PIP4K2B: variants seen among roughly 807,000 people sequenced by gnomAD.
PIP4K2B encodes the protein phosphatidylinositol 5-phosphate 4-kinase type-2 beta.
Under a neutral mutation model 42.0 loss-of-function variants are expected in PIP4K2B, and 3 were observed. That is an observed-to-expected ratio of 0.07 (90% CI 0.03 to 0.18). The LOEUF is 0.18. PIP4K2B is among the 10% of genes least tolerant of loss of function. The probability of loss-of-function intolerance (pLI) is 1.00; values close to 1 mark genes in which losing one functional copy is unlikely to be tolerated. For synonymous variants in PIP4K2B, 204 were observed against 210.1 expected (o/e 0.97, Z 0.25); for missense variants, 332 against 562.3 (o/e 0.59, Z 4.14).
At chr17:38,773,208 C>A (rs1909143252) in intron 7 of PIP4K2B, among the ~76,000 whole-genome samples, 1 of 152,246 alleles carries the variant, frequency 6.6e-6, no homozygotes, top group Middle Eastern at 3.4e-3. Context: ...ATACTTCTAA[C>A]TGGCCTCAGA....
rs374162231 is a variant in PIP4K2B at position 38,786,959 on chromosome 17, G to T, written c.160-39C>A. 5.2e-5 allele frequency: 68 copies of T among 1,304,328 alleles called. No homozygotes were observed. In the African/African-American group the frequency reaches 9.7e-4, roughly 19 times the overall value. 80.8% of individuals were successfully genotyped at this position (1,304,328 alleles called of 1,614,324 possible). On this transcript the variant is annotated intron_variant, in intron 1 of 9. Coordinates refer to ENST00000619039, the MANE Select transcript of PIP4K2B (RefSeq NM_003559.5). ...AGAACGTAAGGCTCTCAGCCAGGAG[G>T]CCACCTGCCTCAGAGACACTAAGCT... is the stretch of plus-strand genomic sequence containing the variant.
intron 3 of PIP4K2B, among the ~76,000 whole-genome samples, chr17:38,781,192 T>C (rs978022849): frequency 6.6e-6 from 1 of 152,142 alleles, no homozygotes; most frequent in Non-Finnish European, 1.5e-5. Flanking sequence ...TCTCTGAGCC[T>C]GACACCTTTC....
Position 38,771,089 on chromosome 17 carries a change from G to C in PIP4K2B, c.991C>G (p.Leu331Val), listed in dbSNP as rs747807599. 3 of 1,614,040 alleles carry C rather than the reference G, an allele frequency of 1.9e-6. No homozygotes were observed. The highest frequency in any genetic ancestry group is 2.5e-6 in the Non-Finnish European group (3 of 1,180,044). ...GTPPDSPGNLLSFPRFFGPGE... is the reference protein window; with the variant it reads ...GTPPDSPGNLVSFPRFFGPGE... ...GGACCAAAGAACCGAGGAAAGCTGAGGAGGTTGCCAGGGCTGTCCGGAGGT... is the reference window on the plus strand; with the variant it reads ...GGACCAAAGAACCGAGGAAAGCTGACGAGGTTGCCAGGGCTGTCCGGAGGT... The change falls in exon 8 of 10, where the codon CTC (leucine) becomes GTC (valine). Residue 331 changes from leucine to valine, a missense_variant. Physicochemically the swap from Leu to Val is conservative, Grantham distance 32 (BLOSUM62 1). Around this residue, in one of 6 missense-constraint regions of PIP4K2B, gnomAD observed 63 missense variants for 71.6 expected, o/e 0.88. Coordinates refer to ENST00000619039, the MANE Select transcript of PIP4K2B (RefSeq NM_003559.5).
Position 38,780,573 on chromosome 17 carries a change from C to A in PIP4K2B, c.386G>T (p.Ser129Ile), listed in dbSNP as rs746208971. 1 of 1,613,388 alleles carries A rather than the reference C, an allele frequency of 6.2e-7. No homozygotes were observed. Among genetic ancestry groups the A allele is most frequent in the East Asian group, 2.2e-5 (1 of 44,840 alleles). Reference sequence around the variant, plus strand: ...CGTGCCACACCGACCCTGGCTGTCACTGTTGATGGGGGCGCTGCGCGTCAC... The same window carrying A: ...CGTGCCACACCGACCCTGGCTGTCAATGTTGATGGGGGCGCTGCGCGTCAC... ...NSVTRSAPIN[S>I]DSQGRCGTRF... The change falls in exon 4 of 10, where the codon AGT becomes ATT. Residue 129 changes from serine (S) to isoleucine (I), a missense_variant. By Grantham distance (142) the Ser-to-Ile change is moderately radical (BLOSUM62 -2). This residue lies in a region of PIP4K2B where 186 missense variants were observed against 288.4 expected (regional missense o/e 0.64). Transcript: ENST00000619039.
intron 1 of PIP4K2B, among the ~76,000 whole-genome samples, chr17:38,794,650 CT>C (rs1303638109): frequency 9.5e-6 from 1 of 105,528 alleles, no homozygotes; most frequent in Admixed American, 9.7e-5. Context: ...AACTATAAAA[CT>C]TTTAGAAGAA....
At chr17:38,773,775 TC>T (rs2143334354) in intron 7 of PIP4K2B, among the ~76,000 whole-genome samples, 1 of 152,146 alleles carries the variant, frequency 6.6e-6, no homozygotes, top group Admixed American at 6.5e-5. Context: ...TCTGAGCACT[TC>T]CAGACAAAGC....
At chr17:38,788,886 T>TC (rs754143266) in intron 1 of PIP4K2B, among the ~76,000 whole-genome samples, 33 of 53,092 alleles carry the variant, frequency 6.2e-4, no homozygotes, top group South Asian at 3.6e-3. Context: ...CCAGGAGGCA[T>TC]AAGGTATAGT....
chr17:38,795,774 A>G (rs1910627026), intron 1 of PIP4K2B, among the ~76,000 whole-genome samples: 1 of 151,818 alleles, frequency 6.6e-6, no homozygotes, highest in East Asian at 1.9e-4. Flanking sequence ...AAAGAAAAGA[A>G]TATGTACAAA....
chr17:38,783,521 A>T (rs1307522256), intron 3 of PIP4K2B, among the ~76,000 whole-genome samples: 2 of 152,154 alleles, frequency 1.3e-5, no homozygotes, highest in Non-Finnish European at 2.9e-5. Context: ...GCAAGAGGTT[A>T]CACTACCCTT....
Position 38,783,479 on chromosome 17 carries a change from G to A in PIP4K2B, c.354+764C>T, listed in dbSNP as rs142647922. Among the ~76,000 whole-genome samples the A allele has an allele frequency of 5.3e-4, 80 of 152,290 alleles. 1 individual carries two copies. In the East Asian group the frequency reaches 0.014, roughly 28 times the overall value. ...CTCCCCACTCCCACCACCAGGATAG[G>A]GCACAAGTTTAGGAGGTGACACTCA... is the stretch of plus-strand genomic sequence containing the variant. On this transcript the variant is annotated intron_variant, in intron 3 of 9. Transcript: ENST00000619039.
chr17:38,788,172 G>A (rs1353634600), intron 1 of PIP4K2B, among the ~76,000 whole-genome samples: 1 of 141,070 alleles, frequency 7.1e-6, no homozygotes. Flanking sequence ...CAAGGTAATA[G>A]ATTAAATTTA....
intron 3 of PIP4K2B, among the ~76,000 whole-genome samples, chr17:38,783,661 C>T (rs570165268): frequency 7.2e-4 from 109 of 151,926 alleles, no homozygotes; most frequent in Non-Finnish European, 1.3e-3. Flanking sequence ...AGTGCAATGG[C>T]GTGATCTCAG....
intron 3 of PIP4K2B, 102 bp from the exon 4 acceptor site, chr17:38,780,706 A>G: frequency 8.6e-7 from 1 of 1,156,986 alleles, no homozygotes; most frequent in South Asian, 1.4e-5. Flanking sequence ...AGCCAACAAC[A>G]CTGAGATAGA....
intron 4 of PIP4K2B, 149 bp from the exon 5 acceptor site, chr17:38,779,678 G>C: frequency 7.6e-6 from 5 of 653,806 alleles, no homozygotes; most frequent in East Asian, 2.8e-5. Context: ...GAAGTAATAG[G>C]GGTTTCTCAG....
chr17:38,798,577 TCTA>T (rs1910772121), intron 1 of PIP4K2B, among the ~76,000 whole-genome samples: 1 of 152,196 alleles, frequency 6.6e-6, no homozygotes, highest in Admixed American at 6.5e-5. Context: ...ACATATTATT[TCTA>T]CTATGAATAG....
Position 38,782,395 on chromosome 17 carries a change from G to A in PIP4K2B, c.355-1791C>T, listed in dbSNP as rs147174356. On this transcript the variant is annotated intron_variant, in intron 3 of 9. Coordinates refer to ENST00000619039, the MANE Select transcript of PIP4K2B (RefSeq NM_003559.5). The stretch of plus-strand genomic sequence containing the variant: ...GGCAAAATGCAGACACTGAGAGGAT[G>A]TGGTTAGACAGCCCAGGGGAGGGAA... Among the ~76,000 whole-genome samples, 579 of 152,368 alleles carry A rather than the reference G, an allele frequency of 3.8e-3. 4 individuals are homozygous for A. Among genetic ancestry groups the A allele is most frequent in the African/African-American group, 0.013 (556 of 41,586 alleles).
intron 1 of PIP4K2B, among the ~76,000 whole-genome samples, chr17:38,792,079 G>A (rs1359321705): frequency 6.6e-6 from 1 of 151,356 alleles, no homozygotes; most frequent in East Asian, 2.0e-4. Context: ...CTGGGTGACA[G>A]AACCAGACTC....
rs1485343661 is a variant in PIP4K2B, at chr17:38,799,532, G to A, written c.-108C>T. ...CGATCCCCACCCCCGCTCCCTCACC[G>A]CGCCATGGTCGCGCCCGTCCCGTTA... On this transcript the variant is annotated 5_prime_UTR_variant, in exon 1 of 10. Transcript: ENST00000619039. This position sits in a 1 kb window ranked among gnomAD's most constrained non-coding sequence, Gnocchi z 4.4. The A allele has an allele frequency of 3.2e-6, 4 of 1,235,486 alleles. No individual in the cohort carries two copies. The highest frequency in any genetic ancestry group is 4.1e-6 in the Non-Finnish European group (4 of 979,666). 76.5% of individuals were successfully genotyped at this position (1,235,486 alleles called of 1,614,324 possible). A position where few individuals can be genotyped will look rare whatever the true frequency, so the allele number is the denominator to read the frequency against.
chr17:38,770,860 TG>T (rs1908984922), intron 8 of PIP4K2B, among the ~76,000 whole-genome samples, 153 bp downstream of exon 8: 1 of 151,958 alleles, frequency 6.6e-6, no homozygotes, highest in South Asian at 2.1e-4. Flanking sequence ...CAGGTTCAGG[TG>T]GTGACCCTGG....
Sources: gnomAD v4.1 joint callset for allele counts (sites outside exome capture counted in the v4.1 genomes callset) on GRCh38, gnomAD v4.1.1 for gene constraint, gnomAD v4.1.1 regional missense constraint, Gnocchi (gnomAD v3.1) non-coding constraint, MANE v1.5 for transcripts, NCBI Gene and HGNC (gene_info 2026-07-23, HGNC 2026-07-21) for gene names.